CD300C: variants seen among roughly 807,000 people sequenced by gnomAD.
CD300C encodes CMRF35-like molecule 6.
A neutral mutation model predicts 18.4 loss-of-function variants in CD300C; 11 were observed. The ratio of observed to expected loss-of-function variants is 0.60; its 90% CI spans 0.38 to 0.99. The LOEUF (loss-of-function observed/expected upper bound fraction) is 0.99. Among genes scored for constraint, CD300C ranks in the 50% least tolerant of loss-of-function variants. The pLI is 0.01. For missense variants in CD300C, 277 were observed against 287.4 expected (o/e 0.96, Z 0.26); for synonymous variants, 116 against 116.3 (o/e 1.00, Z 0.02).
At chr17:74,537,731 T>C (rs1049537237), downstream of CD300C, among the ~76,000 whole-genome samples, 3 of 151,776 alleles carry the variant, frequency 2.0e-5, no homozygotes, top group Admixed American at 6.6e-5. Flanking sequence ...CTAAACAACA[T>C]ACCCTTTGGA....
Position 74,545,965 on chromosome 17 carries a change from C to A in CD300C, c.-183G>T, listed in dbSNP as rs1290801701. 4 of 604,212 alleles carry A rather than the reference C, an allele frequency of 6.6e-6. No homozygotes were observed. Among genetic ancestry groups the A allele is most frequent in the Non-Finnish European group, 1.2e-5 (4 of 336,420 alleles). 37.4% of individuals were successfully genotyped at this position (604,212 alleles called of 1,614,324 possible). A position where few individuals can be genotyped will look rare whatever the true frequency, so the allele number is the denominator to read the frequency against. ...TACAGGAAGCTCAGGGAGAGAGCCG[C>A]CTGGGCTGAGGCCGGTGCTGACAGC... is the stretch of plus-strand genomic sequence containing the variant. On this transcript the variant is annotated 5_prime_UTR_variant, in exon 1 of 4. Coordinates refer to ENST00000330793, the MANE Select transcript of CD300C (RefSeq NM_006678.5).
downstream of CD300C, among the ~76,000 whole-genome samples, chr17:74,536,272 T>C (rs775864742): frequency 2.6e-5 from 4 of 151,990 alleles, no homozygotes; most frequent in African/African-American, 7.2e-5. Context: ...GGAGCACCAG[T>C]AACTAACAAA....
Position 74,544,878 on chromosome 17 carries a change from C to T in CD300C, c.131G>A (p.Arg44His), listed in dbSNP as rs143534670. The T allele has an allele frequency of 3.7e-5, 60 of 1,614,128 alleles. No homozygotes were observed. In the African/African-American group the frequency reaches 5.7e-4, roughly 15 times the overall value. Residue 44 changes from arginine (R) to histidine (H), a missense_variant, in exon 2 of 4, where the codon CGC (arginine) becomes CAC (histidine). Arg to His is a conservative substitution (Grantham distance 29). Transcript: ENST00000330793. ...GAGGGTCCTGTGTTCCTTCTCATAG[C>T]GACACTGCACACTCAGGGATCCCCC... ...PVGGSLSVQC[R>H]YEKEHRTLNK...
chr17:74,535,930 A>C, the CD300C span, among the ~76,000 whole-genome samples: 1 of 152,244 alleles, frequency 6.6e-6, no homozygotes, highest in Admixed American at 6.5e-5. Context: ...CCAAGCAGAC[A>C]TAGAAATAAA....
chr17:74,537,363 T>G (rs983187710), downstream of CD300C, among the ~76,000 whole-genome samples: 1 of 152,200 alleles, frequency 6.6e-6, no homozygotes, highest in Admixed American at 6.5e-5. Context: ...AAATAAAGTG[T>G]TGAATGGTCC....
downstream of CD300C, among the ~76,000 whole-genome samples, chr17:74,539,315 C>T (rs1038173246): frequency 2.0e-5 from 3 of 152,132 alleles, no homozygotes; most frequent in Non-Finnish European, 4.4e-5. Context: ...GTCATTGGTG[C>T]TGATGCCCCC....
downstream of CD300C, among the ~76,000 whole-genome samples, chr17:74,537,033 AAAG>A (rs1908398689): frequency 6.7e-6 from 1 of 150,082 alleles, no homozygotes. Context: ...AGGAGGAAAA[AAAG>A]AGGGAGGAAA....
chr17:74,542,630 G>A (rs755511613), intron 3 of CD300C, among the ~76,000 whole-genome samples: 9 of 152,236 alleles, frequency 5.9e-5, no homozygotes, highest in African/African-American at 1.7e-4. Context: ...TGCTCAATGC[G>A]TGAATCCACG....
At chr17:74,544,577 C>A (rs759256102) in intron 2 of CD300C, 32 bp downstream of exon 2, 1 of 1,585,750 alleles carries the variant, frequency 6.3e-7, no homozygotes, top group South Asian at 1.2e-5. Flanking sequence ...TAGGCTCAGG[C>A]AGGCCTGGTG....
downstream of CD300C, among the ~76,000 whole-genome samples, chr17:74,539,389 T>C (rs976222584): frequency 1.3e-5 from 2 of 152,194 alleles, no homozygotes; most frequent in Admixed American, 1.3e-4. Flanking sequence ...TGCCCAGTGT[T>C]CAGGTCTGAC....
downstream of CD300C, among the ~76,000 whole-genome samples, chr17:74,540,266 T>G (rs1181678692): frequency 6.6e-6 from 1 of 152,206 alleles, no homozygotes; most frequent in Non-Finnish European, 1.5e-5. Context: ...TCAGCGCCTA[T>G]TAGAGGGGCT....
At chr17:74,540,657 G>A (rs1908517212), downstream of CD300C, among the ~76,000 whole-genome samples, 1 of 152,240 alleles carries the variant, frequency 6.6e-6, no homozygotes, top group African/African-American at 2.4e-5. Context: ...AACTGAAATG[G>A]TGGGCAAATG....
intron 3 of CD300C, 88 bp downstream of exon 3, chr17:74,542,773 C>T (rs1319903717): frequency 6.9e-7 from 1 of 1,447,454 alleles, no homozygotes; most frequent in Non-Finnish European, 9.3e-7. Context: ...AAAGAAGGGA[C>T]TGGAAGAAGG....
intron 2 of CD300C, 44 bp downstream of exon 2, chr17:74,544,565 C>T (rs773791098): frequency 6.3e-6 from 10 of 1,578,610 alleles, no homozygotes; most frequent in Non-Finnish European, 8.6e-6. Context: ...AATGACCAGC[C>T]CTAGGCTCAG....
intron 2 of CD300C, among the ~76,000 whole-genome samples, chr17:74,544,335 G>A (rs537571861): frequency 5.9e-5 from 9 of 152,256 alleles, no homozygotes; most frequent in South Asian, 2.1e-4. Flanking sequence ...GGCCCACAGC[G>A]GGGGGTCTCC....
chr17:74,544,900 C>A lies in CD300C; in HGVS notation c.109G>T (p.Gly37Ter), dbSNP rs1383586425. 1.9e-6 allele frequency: 3 copies of A among 1,613,888 alleles called. No individual in the cohort carries two copies. The highest frequency in any genetic ancestry group is 1.3e-5 in the African/African-American group (1 of 75,050). ...HPMTVAGPVGGSLSVQCRYEK... is the reference protein window; with the variant it reads ...HPMTVAGPVG ...TAGCGACACTGCACACTCAGGGATC[C>A]CCCCACGGGGCCCGCCACGGTCATG... The change falls in exon 2 of 4, where the codon GGA (glycine) becomes TGA (stop). Residue 37 changes from glycine (G) to a stop codon, truncating the protein, a stop_gained. Transcript: ENST00000330793. LOFTEE classifies it high-confidence loss of function.
rs1908693225 is a variant in CD300C, at chr17:74,544,796, G to A, written c.213C>T (p.Thr71=). ...CATTCCTTTTCCCTGCTGACCCTTTGGTCTCCACAATCTTGTCACATCGGA... is the reference window on the plus strand; with the variant it reads ...CATTCCTTTTCCCTGCTGACCCTTTAGTCTCCACAATCTTGTCACATCGGA... ...QILRCDKIVE[T]KGSAGKRNGR... is the part of the protein sequence containing the mutation. The change falls in exon 2 of 4, where the codon ACC becomes ACT. Residue 71 remains threonine (T), a synonymous_variant. Transcript: ENST00000330793. The A allele has an allele frequency of 1.2e-6, 2 of 1,614,094 alleles. No homozygotes were observed. The highest frequency in any genetic ancestry group is 1.7e-6 in the Non-Finnish European group (2 of 1,180,054).
chr17:74,534,923 T>C, the CD300C span, among the ~76,000 whole-genome samples: 1 of 152,202 alleles, frequency 6.6e-6, no homozygotes. Flanking sequence ...GAGGACAAGA[T>C]TGCTCAAAAT....
intron 3 of CD300C, 114 bp from the exon 4 acceptor site, chr17:74,541,850 CA>C: frequency 8.7e-7 from 1 of 1,155,698 alleles, no homozygotes; most frequent in Non-Finnish European, 1.2e-6. Flanking sequence ...ACCACATAAG[CA>C]CCCCCCTGGA....
Sources: gnomAD v4.1 joint callset for allele counts (sites outside exome capture counted in the v4.1 genomes callset) on GRCh38, gnomAD v4.1.1 for gene constraint, MANE v1.5 for transcripts, NCBI Gene and HGNC (gene_info 2026-07-23, HGNC 2026-07-21) for gene names.